Variants in TMC1 observed in about 807,000 individuals in gnomAD.
The protein encoded by TMC1 is transmembrane channel like 1.
In TMC1, 84 loss-of-function variants were observed where a neutral mutation model predicts 105.8. The ratio of observed to expected loss-of-function variants is 0.79; its 90% CI spans 0.67 to 0.95. TMC1 has a LOEUF of 0.95. TMC1 is among the 40% of genes least tolerant of loss of function. TMC1 has a pLI of 0.00. For missense variants in TMC1, 817 were observed against 914.1 expected (o/e 0.89, Z 1.37); for synonymous variants, 315 against 311.5 (o/e 1.01, Z -0.12).
At chr9:72,719,343 C>T (rs13289679) in intron 8 of TMC1, among the ~76,000 whole-genome samples, 7,593 of 152,230 alleles carry the variant, frequency 0.05, 244 homozygotes, top group Non-Finnish European at 0.062. Context: ...TCTGGGGACC[C>T]GGAGAACCCA....
At chr9:72,694,164 C>G (rs1026027531) in intron 6 of TMC1, among the ~76,000 whole-genome samples, 1 of 152,060 alleles carries the variant, frequency 6.6e-6, no homozygotes, top group East Asian at 1.9e-4. Context: ...AATCACTCAA[C>G]AATTATGTAA....
At chr9:72,777,435 A>T (rs981885454) in intron 13 of TMC1, among the ~76,000 whole-genome samples, 4 of 152,176 alleles carry the variant, frequency 2.6e-5, no homozygotes, top group Non-Finnish European at 4.4e-5. Context: ...ATAATGTTTG[A>T]TGTATGTAAT....
At chr9:72,613,488 C>T (rs1197116517) in intron 2 of TMC1, among the ~76,000 whole-genome samples, 1 of 152,132 alleles carries the variant, frequency 6.6e-6, no homozygotes, top group African/African-American at 2.4e-5. Context: ...TATTAATCCT[C>T]CATAACTTAG....
chr9:72,738,574 C>T (rs559033815), intron 8 of TMC1, among the ~76,000 whole-genome samples: 2 of 152,046 alleles, frequency 1.3e-5, no homozygotes, highest in African/African-American at 2.4e-5. Flanking sequence ...CACACCACCA[C>T]GCCTGGTCGA....
intron 12 of TMC1, among the ~76,000 whole-genome samples, chr9:72,760,265 A>G (rs1248453331): frequency 6.6e-6 from 1 of 152,112 alleles, no homozygotes; most frequent in Non-Finnish European, 1.5e-5. Flanking sequence ...GATCCTCTGA[A>G]CAATGACTTC....
chr9:72,805,888 C>T (rs575775300), intron 18 of TMC1, among the ~76,000 whole-genome samples: 113 of 152,084 alleles, frequency 7.4e-4, no homozygotes, highest in Non-Finnish European at 1.4e-3. Context: ...CAGGATCCCA[C>T]GGCAGAAGAA....
intron 6 of TMC1, among the ~76,000 whole-genome samples, chr9:72,693,348 G>A (rs981678682): frequency 2.6e-5 from 4 of 152,088 alleles, no homozygotes; most frequent in South Asian, 2.1e-4. Context: ...TCAAAGGAAC[G>A]TCCAAAGAAT....
At chr9:72,661,677 C>T (rs1588018401) in intron 5 of TMC1, among the ~76,000 whole-genome samples, 1 of 152,286 alleles carries the variant, frequency 6.6e-6, no homozygotes, top group East Asian at 1.9e-4. Flanking sequence ...CTACTGACCA[C>T]TTTTTTCTAG....
At chr9:72,707,094 C>A (rs914536976) in intron 8 of TMC1, among the ~76,000 whole-genome samples, 2 of 152,138 alleles carry the variant, frequency 1.3e-5, no homozygotes, top group Non-Finnish European at 2.9e-5. Flanking sequence ...ATATTTCACT[C>A]CTTTTTATGG....
chr9:72,685,865 G>A lies in TMC1; in HGVS notation c.17-2844G>A, dbSNP rs554430175. On this transcript the variant is annotated intron_variant, in intron 5 of 23. Transcript: ENST00000297784. ...AACATTGCTTCAAGAAGTAAATGTG[G>A]GTCAGAGAAAAAGGCAATACCATTC... Among the ~76,000 whole-genome samples, 53 of 152,216 alleles carry A rather than the reference G, an allele frequency of 3.5e-4. No individual in the cohort carries two copies. In the South Asian group the frequency reaches 5.4e-3, roughly 15 times the overall value.
chr9:72,746,408 A>G (rs184618836), intron 10 of TMC1, among the ~76,000 whole-genome samples: 189 of 152,316 alleles, frequency 1.2e-3, no homozygotes, highest in Middle Eastern at 3.4e-3. Flanking sequence ...TGGATGGGGA[A>G]GACAGAATAT....
intron 8 of TMC1, among the ~76,000 whole-genome samples, chr9:72,704,133 G>C (rs962128352): frequency 1.1e-4 from 16 of 152,072 alleles, no homozygotes; most frequent in Admixed American, 7.9e-4. Context: ...TTCTTTCAGA[G>C]ACATCTAACT....
chr9:72,598,703 C>T (rs1824759446), intron 2 of TMC1, among the ~76,000 whole-genome samples: 1 of 152,120 alleles, frequency 6.6e-6, no homozygotes, highest in South Asian at 2.1e-4. Flanking sequence ...ATCAGTGAAC[C>T]ATAGTAAAGG....
intron 2 of TMC1, among the ~76,000 whole-genome samples, chr9:72,589,206 C>T (rs1824597905): frequency 6.6e-6 from 1 of 152,208 alleles, no homozygotes; most frequent in Admixed American, 6.5e-5. Context: ...TAGCTACTTA[C>T]TTCTACTGTT....
intron 2 of TMC1, among the ~76,000 whole-genome samples, chr9:72,600,859 C>G (rs1305227780): frequency 2.0e-5 from 3 of 152,140 alleles, no homozygotes; most frequent in African/African-American, 4.8e-5. Flanking sequence ...GGTTCCACCC[C>G]CAGAGCTTCT....
intron 3 of TMC1, among the ~76,000 whole-genome samples, chr9:72,622,845 G>GT (rs758460787): frequency 1.1e-4 from 16 of 152,164 alleles, no homozygotes; most frequent in Non-Finnish European, 1.8e-4. Flanking sequence ...GAGGTCAGGA[G>GT]TTTAAGACCA....
At chr9:72,662,223 G>C (rs1305872636) in intron 5 of TMC1, among the ~76,000 whole-genome samples, 2 of 137,768 alleles carry the variant, frequency 1.5e-5, no homozygotes, top group African/African-American at 5.5e-5. Context: ...GTCTTGCTCT[G>C]TCACCCAGGC....
intron 5 of TMC1, among the ~76,000 whole-genome samples, chr9:72,676,906 G>A (rs1162434107): frequency 6.6e-6 from 1 of 152,068 alleles, no homozygotes; most frequent in Non-Finnish European, 1.5e-5. Flanking sequence ...AACATTTGAA[G>A]AAATATAACA....
intron 5 of TMC1, among the ~76,000 whole-genome samples, chr9:72,660,780 C>T (rs746628464): frequency 5.9e-5 from 9 of 152,134 alleles, no homozygotes; most frequent in Non-Finnish European, 1.3e-4. Flanking sequence ...GTGGCTTCCC[C>T]GTATTACAAT....
Sources: gnomAD v4.1 joint callset for allele counts (sites outside exome capture counted in the v4.1 genomes callset) on GRCh38, gnomAD v4.1.1 for gene constraint, MANE v1.5 for transcripts, NCBI Gene and HGNC (gene_info 2026-07-23, HGNC 2026-07-21) for gene names.